DENND5B: variants seen among roughly 807,000 people sequenced by gnomAD.
DENND5B encodes DENN domain containing 5B, also known as DENN domain-containing protein 5B.
A neutral mutation model predicts 140.6 loss-of-function variants in DENND5B; 34 were observed. The ratio of observed to expected loss-of-function variants is 0.24; its 90% CI spans 0.18 to 0.32. DENND5B has a LOEUF of 0.32. Among genes scored for constraint, DENND5B ranks in the 10% least tolerant of loss-of-function variants. The probability of loss-of-function intolerance (pLI) is 1.00; values close to 1 mark genes in which losing one functional copy is unlikely to be tolerated. For synonymous variants in DENND5B, 551 were observed against 562.1 expected, an observed-to-expected ratio of 0.98 and a Z score of 0.28; for missense variants, 1,142 against 1,560.2, an observed-to-expected ratio of 0.73 and a Z score of 4.52.
chr12:31,584,958 G>A (rs1950346429), intron 1 of DENND5B, among the ~76,000 whole-genome samples: 1 of 152,118 alleles, frequency 6.6e-6, no homozygotes, highest in Non-Finnish European at 1.5e-5. Context: ...CATGGCAGAA[G>A]GCTAGCCAAT....
In DENND5B at chr12:31,522,227, C is replaced by T. The variant is rs1947920736; in HGVS notation, c.128-26308G>A. On this transcript the variant is annotated intron_variant, in intron 1 of 20. Coordinates refer to ENST00000389082, the MANE Select transcript of DENND5B (RefSeq NM_144973.4). ...ATAAACACCTCTAAACGCTGATTTA[C>T]AGCATCTATCACATTGTGCAGTAGA... 2.0e-5 allele frequency among the ~76,000 whole-genome samples: 3 copies of T among 152,292 alleles called. No homozygotes were observed. The South Asian group carries it at 6.2e-4, about 32-fold the overall frequency.
chr12:31,476,691 G>T (rs1945827808), intron 3 of DENND5B, among the ~76,000 whole-genome samples: 1 of 152,106 alleles, frequency 6.6e-6, no homozygotes, highest in Non-Finnish European at 1.5e-5. Flanking sequence ...GAGATGGGAG[G>T]ATGGTGTGAG....
chr12:31,489,893 G>A (rs1445725191), intron 2 of DENND5B, among the ~76,000 whole-genome samples: 1 of 152,140 alleles, frequency 6.6e-6, no homozygotes, highest in South Asian at 2.1e-4. Flanking sequence ...GTGAAGGAGA[G>A]GTGGAAGAGC....
At chr12:31,525,930 C>T (rs1389601565) in intron 1 of DENND5B, among the ~76,000 whole-genome samples, 1 of 152,096 alleles carries the variant, frequency 6.6e-6, no homozygotes, top group Non-Finnish European at 1.5e-5. Context: ...GAGGCAGAGG[C>T]TGCAGTGAGC....
chr12:31,400,061 T>A (rs993912620), intron 15 of DENND5B, among the ~76,000 whole-genome samples: 1 of 152,218 alleles, frequency 6.6e-6, no homozygotes, highest in Non-Finnish European at 1.5e-5. Context: ...AAGGAACAGT[T>A]ACTTCTACTT....
intron 2 of DENND5B, among the ~76,000 whole-genome samples, chr12:31,494,207 C>A (rs1415547512): frequency 1.3e-5 from 1 of 75,008 alleles, no homozygotes; most frequent in Non-Finnish European, 2.9e-5. Context: ...CATCCACCTA[C>A]CTACCTACCT....
intron 3 of DENND5B, among the ~76,000 whole-genome samples, chr12:31,475,323 G>A (rs1033454126): frequency 6.8e-6 from 1 of 146,746 alleles, no homozygotes; most frequent in African/African-American, 2.5e-5. Context: ...GATTCACTCT[G>A]TTGTTCTCGG....
chr12:31,510,310 C>A (rs965278953), intron 1 of DENND5B, among the ~76,000 whole-genome samples: 1 of 152,132 alleles, frequency 6.6e-6, no homozygotes, highest in Non-Finnish European at 1.5e-5. Flanking sequence ...GAAGAAGAAT[C>A]CACTTTCTTT....
intron 2 of DENND5B, among the ~76,000 whole-genome samples, chr12:31,488,558 G>C (rs186541120): frequency 6.6e-6 from 1 of 152,208 alleles, no homozygotes; most frequent in Non-Finnish European, 1.5e-5. Context: ...TTTCCTAAAT[G>C]CTCTTCCAAC....
chr12:31,433,828 A>G (rs191213909), intron 7 of DENND5B, among the ~76,000 whole-genome samples: 2 of 106,852 alleles, frequency 1.9e-5, no homozygotes, highest in Non-Finnish European at 4.0e-5. Context: ...AGACCAGCCT[A>G]GGCAACATAG....
chr12:31,450,395 G>A (rs560779280), intron 5 of DENND5B, among the ~76,000 whole-genome samples: 1 of 152,148 alleles, frequency 6.6e-6, no homozygotes, highest in Admixed American at 6.5e-5. Context: ...GGTCTCACTC[G>A]CTAGCCCAAG....
intron 2 of DENND5B, among the ~76,000 whole-genome samples, chr12:31,484,145 G>A (rs1489845882): frequency 1.3e-5 from 2 of 152,038 alleles, no homozygotes; most frequent in African/African-American, 2.4e-5. Flanking sequence ...TAAGCTACCC[G>A]ACCCGGCCTC....
intron 1 of DENND5B, among the ~76,000 whole-genome samples, chr12:31,560,756 G>A (rs1456877237): frequency 1.3e-5 from 2 of 152,058 alleles, no homozygotes; most frequent in Non-Finnish European, 2.9e-5. Context: ...CACTCCTCCA[G>A]ACTCTTTAGG....
chr12:31,569,113 C>G (rs1258471346), intron 1 of DENND5B, among the ~76,000 whole-genome samples: 1 of 138,776 alleles, frequency 7.2e-6, no homozygotes, highest in African/African-American at 2.8e-5. Context: ...GTCACCCAGG[C>G]TGGAGTACAG....
chr12:31,564,700 C>T (rs989273809), intron 1 of DENND5B, among the ~76,000 whole-genome samples: 2 of 151,656 alleles, frequency 1.3e-5, no homozygotes, highest in Admixed American at 6.6e-5. Context: ...GTGATCCTCC[C>T]ACCTCAGCCT....
chr12:31,460,453 T>C lies in DENND5B; in HGVS notation c.905-72A>G, dbSNP rs1381634715. On this transcript the variant is annotated intron_variant, in intron 3 of 20. Transcript: ENST00000389082. The stretch of plus-strand genomic sequence containing the variant: ...ACAATCACTTCATTAAGCTGGAAAA[T>C]GTGGATCTTAAGAAAAAAATTTCTG... The C allele has an allele frequency of 2.7e-6, 4 of 1,482,188 alleles. No homozygotes were observed. The African/African-American group carries it at 4.2e-5, about 16-fold the overall frequency. 91.8% of individuals were successfully genotyped at this position (1,482,188 alleles called of 1,614,324 possible). A position where few individuals can be genotyped will look rare whatever the true frequency, so the allele number is the denominator to read the frequency against.
chr12:31,567,525 TAAAAA>T (rs35048750), intron 1 of DENND5B, among the ~76,000 whole-genome samples: 2 of 91,746 alleles, frequency 2.2e-5, no homozygotes, highest in East Asian at 3.2e-4. Flanking sequence ...AGACTCTGTC[TAAAAA>T]AAAAAAAAAA....
intron 1 of DENND5B, among the ~76,000 whole-genome samples, chr12:31,521,343 C>A (rs1017926203): frequency 3.3e-5 from 5 of 149,886 alleles, no homozygotes; most frequent in East Asian, 1.9e-4. Flanking sequence ...TTAGAGACAG[C>A]GTCTCACTAT....
chr12:31,566,620 A>T (rs552967169), intron 1 of DENND5B, among the ~76,000 whole-genome samples: 1 of 152,198 alleles, frequency 6.6e-6, no homozygotes, highest in Admixed American at 6.5e-5. Flanking sequence ...ATTTTTTAAA[A>T]ATTTTTTAAA....
Sources: gnomAD v4.1 joint callset for allele counts (sites outside exome capture counted in the v4.1 genomes callset) on GRCh38, gnomAD v4.1.1 for gene constraint, MANE v1.5 for transcripts, NCBI Gene and HGNC (gene_info 2026-07-23, HGNC 2026-07-21) for gene names.